Variants in IFT172 observed in about 807,000 individuals in gnomAD.
IFT172 encodes intraflagellar transport protein 172 homolog.
Under a neutral mutation model 248.9 loss-of-function variants are expected in IFT172, and 164 were observed. The observed-to-expected ratio is 0.66, with a 90% CI of 0.58 to 0.75. The LOEUF (loss-of-function observed/expected upper bound fraction) is 0.75, where lower values mean the gene tolerates loss of function less well. Among genes scored for constraint, IFT172 ranks in the 30% least tolerant of loss-of-function variants. The probability of loss-of-function intolerance (pLI) is 0.00; values close to 1 mark genes in which losing one functional copy is unlikely to be tolerated. For synonymous variants in IFT172, 729 were observed against 791.6 expected, an observed-to-expected ratio of 0.92 and a Z score of 1.33; for missense variants, 1,950 against 2,192.4, an observed-to-expected ratio of 0.89 and a Z score of 2.21.
At position 27,446,389 on chromosome 2, in the gene IFT172, A is replaced by T. The variant is rs376974765; in HGVS notation, c.4660-34T>A. Reference sequence around the variant, plus strand: ...AAAGTCAAAGCATTATGAATATGGCACTAAAGTGACTGAGCTACCAGACCA... The same window carrying T: ...AAAGTCAAAGCATTATGAATATGGCTCTAAAGTGACTGAGCTACCAGACCA... On this transcript the variant is annotated intron_variant, in intron 42 of 47. Transcript: ENST00000260570. The T allele has an allele frequency of 1.3e-5, 21 of 1,578,592 alleles. No individual in the cohort carries two copies. In the African/African-American group the frequency reaches 2.7e-4, roughly 20 times the overall value.
rs757772988 is a variant in IFT172, at chr2:27,444,528, G to A, written c.5161-7C>T. ...ACACTGGGCTGTGGGAGGTCTGTGAGCAAATGGAAGAACATGAGAGGAACT... is the reference window on the plus strand; with the variant it reads ...ACACTGGGCTGTGGGAGGTCTGTGAACAAATGGAAGAACATGAGAGGAACT... On this transcript the variant is annotated splice_region_variant and splice_polypyrimidine_tract_variant and intron_variant, in intron 47 of 47. Transcript: ENST00000260570. 6.2e-7 allele frequency: 1 copy of A among 1,610,432 alleles called. No homozygotes were observed. Among genetic ancestry groups the A allele is most frequent in the Non-Finnish European group, 8.5e-7 (1 of 1,177,270 alleles).
chr2:27,447,782 A>G, intron 41 of IFT172, 30 bp downstream of exon 41: 1 of 1,589,920 alleles, frequency 6.3e-7, no homozygotes, highest in Non-Finnish European at 8.6e-7. Flanking sequence ...GAGGACAAGG[A>G]CAGACGGAGC....
chr2:27,455,417 T>C (rs960796207), intron 30 of IFT172: 35 of 246,350 alleles, frequency 1.4e-4, no homozygotes, highest in Non-Finnish European at 2.6e-4. Context: ...TCTAGAAAAA[T>C]GGCAGAATAT....
intron 38 of IFT172, 36 bp from the exon 39 acceptor site, chr2:27,449,416 A>G: frequency 6.2e-7 from 1 of 1,614,074 alleles, no homozygotes; most frequent in Non-Finnish European, 8.5e-7. Flanking sequence ...AAGAGAAAAG[A>G]GATGACATGA....
intron 13 of IFT172, 88 bp from the exon 14 acceptor site, chr2:27,476,814 C>CT: frequency 1.3e-6 from 1 of 757,556 alleles, no homozygotes; most frequent in Non-Finnish European, 2.3e-6. Context: ...TGGGATGAAG[C>CT]TTTTATTTAT....
chr2:27,477,483 C>A, intron 12 of IFT172, 76 bp downstream of exon 12: 1 of 1,271,938 alleles, frequency 7.9e-7, no homozygotes, highest in South Asian at 1.2e-5. Context: ...CTATCCCTTG[C>A]AACTTGCCAT....
At position 27,477,645 on chromosome 2, in the gene IFT172, G is replaced by A. The variant is rs754306466; in HGVS notation, c.1168-33C>T. Reference sequence around the variant, plus strand: ...GGGAGAAGACTTAAGAAGCAATGTGGATAAATACCCAAGATAATGCCGAAA... The same window carrying A: ...GGGAGAAGACTTAAGAAGCAATGTGAATAAATACCCAAGATAATGCCGAAA... On this transcript the variant is annotated intron_variant, in intron 11 of 47. Coordinates refer to ENST00000260570, the MANE Select transcript of IFT172 (RefSeq NM_015662.3). The A allele has an allele frequency of 3.6e-6, 5 of 1,403,820 alleles. No individual in the cohort carries two copies. In the African/African-American group the frequency reaches 5.7e-5, roughly 16 times the overall value. The allele number at this position is 1,403,820 out of a possible 1,614,324, so 87.0% of individuals were successfully genotyped here. A position where few individuals can be genotyped will look rare whatever the true frequency, so the allele number is the denominator to read the frequency against.
At position 27,459,643 on chromosome 2, in the gene IFT172, T is replaced by C; in HGVS notation, c.2642+66A>G. 2.5e-6 allele frequency: 4 copies of C among 1,606,042 alleles called. No individual in the cohort carries two copies. In the East Asian group the frequency reaches 8.9e-5, roughly 36 times the overall value. The stretch of plus-strand genomic sequence containing the variant: ...AGATCTCTTCTTTAAGGCCTTGGTG[T>C]CCTTACTTGCTCCACTGCCCCTCAC... On this transcript the variant is annotated intron_variant, in intron 24 of 47. Coordinates refer to ENST00000260570, the MANE Select transcript of IFT172 (RefSeq NM_015662.3).
Position 27,454,206 on chromosome 2 carries a change from A to G in IFT172, c.3531-44T>C, listed in dbSNP as rs1368647214. On this transcript the variant is annotated intron_variant, in intron 32 of 47. Transcript: ENST00000260570. This position sits in a 1 kb window ranked among gnomAD's most constrained non-coding sequence, Gnocchi z 4.2. ...AGAGGAGAGACTGAGTATAGGACTGAGGCCCCAATAGTGGGAGACAAACAG... is the reference window on the plus strand; with the variant it reads ...AGAGGAGAGACTGAGTATAGGACTGGGGCCCCAATAGTGGGAGACAAACAG... 5 of 1,602,510 alleles carry G rather than the reference A, an allele frequency of 3.1e-6. No individual in the cohort carries two copies. In the African/African-American group the frequency reaches 6.7e-5, roughly 21 times the overall value.
intron 10 of IFT172, among the ~76,000 whole-genome samples, chr2:27,478,536 T>G (rs745719895): frequency 6.6e-6 from 1 of 152,220 alleles, no homozygotes; most frequent in Non-Finnish European, 1.5e-5. Flanking sequence ...CTTGAACTCC[T>G]GGGTTCAAGC....
At chr2:27,462,100 C>T (rs1307918483) in intron 20 of IFT172, among the ~76,000 whole-genome samples, 1 of 151,664 alleles carries the variant, frequency 6.6e-6, no homozygotes, top group Admixed American at 6.6e-5. Context: ...TGTGTGATCT[C>T]GGGCTCACTG....
chr2:27,478,644 T>C (rs1032934995), intron 10 of IFT172, among the ~76,000 whole-genome samples: 7 of 152,256 alleles, frequency 4.6e-5, no homozygotes, highest in African/African-American at 1.4e-4. Context: ...TCCTCTGTTA[T>C]AATGATCTCT....
At chr2:27,467,613 C>CAAAAAAAA (rs758559563) in intron 16 of IFT172, among the ~76,000 whole-genome samples, 1 of 53,134 alleles carries the variant, frequency 1.9e-5, no homozygotes, top group Non-Finnish European at 3.3e-5. Flanking sequence ...ACCCTGTCTC[C>CAAAAAAAA]AAAAAAAAAA....
intron 42 of IFT172, among the ~76,000 whole-genome samples, chr2:27,446,857 G>A (rs532535913): frequency 2.2e-3 from 331 of 151,398 alleles, no homozygotes; most frequent in Non-Finnish European, 3.4e-3. Context: ...CCGCCACCGT[G>A]CCTGGCTAAT....
chr2:27,468,378 G>A (rs116603069), intron 16 of IFT172, among the ~76,000 whole-genome samples: 2,304 of 151,630 alleles, frequency 0.015, 29 homozygotes, highest in South Asian at 0.044. Context: ...GATTACAGGA[G>A]CATGCCACCA....
In IFT172 at chr2:27,445,356, A is replaced by G. The variant is rs1241985045; in HGVS notation, c.5008T>C (p.Tyr1670His). Reference sequence around the variant, plus strand: ...CTCGCTGCCACTAGGGAGGCCTCGTAGGCGCCACGCTCATCCCGAGGCAGA... The same window carrying G: ...CTCGCTGCCACTAGGGAGGCCTCGTGGGCGCCACGCTCATCCCGAGGCAGA... ...QVLPRDERGA[Y>H]EASLVAASTG... The change falls in exon 46 of 48, where the codon TAC becomes CAC. Residue 1670 changes from tyrosine to histidine, a missense_variant. By Grantham distance (83) the Tyr-to-His change is moderately conservative. This residue lies in a region of IFT172 where 620 missense variants were observed against 699.0 expected (regional missense o/e 0.89). Coordinates refer to ENST00000260570, the MANE Select transcript of IFT172 (RefSeq NM_015662.3). The surrounding 1 kb of genome is among the most constrained non-coding windows in gnomAD (Gnocchi z 4.4). 6.2e-7 allele frequency: 1 copy of G among 1,613,270 alleles called. No individual in the cohort carries two copies. Among genetic ancestry groups the G allele is most frequent in the Non-Finnish European group, 8.5e-7 (1 of 1,179,780 alleles).
intron 18 of IFT172, 98 bp from the exon 19 acceptor site, chr2:27,463,279 T>A: frequency 9.0e-7 from 1 of 1,114,200 alleles, no homozygotes; most frequent in South Asian, 1.4e-5. Flanking sequence ...ATCTATGATG[T>A]GCCAGCCAAT....
In IFT172 at chr2:27,459,500, C is replaced by A. The variant is rs1011528696; in HGVS notation, c.2665G>T (p.Ala889Ser). 3 of 1,613,976 alleles carry A rather than the reference C, an allele frequency of 1.9e-6. No individual in the cohort carries two copies. Among genetic ancestry groups the A allele is most frequent in the Non-Finnish European group, 2.5e-6 (3 of 1,180,016 alleles). ...TTCCACTGGCGGGCACCCAGGGCGG[C>A]CTCAATTGCCTTAATGGAGCACCTG... ...EARCSIKAIE[A>S]ALGARQWKKA... The change falls in exon 25 of 48, where the codon GCC becomes TCC. Residue 889 changes from alanine (A) to serine (S), a missense_variant. By Grantham distance (99) the Ala-to-Ser change is moderately conservative. This residue lies in a region of IFT172 where 1,166 missense variants were observed against 1,254.1 expected (regional missense o/e 0.93). Transcript: ENST00000260570.
chr2:27,454,341 TG>T lies in IFT172; in HGVS notation c.3530+12del. 1 of 1,614,056 alleles carries T rather than the reference TG, an allele frequency of 6.2e-7. No individual in the cohort carries two copies. The highest frequency in any genetic ancestry group is 8.5e-7 in the Non-Finnish European group (1 of 1,179,950). On this transcript the variant is annotated intron_variant, in intron 32 of 47. Coordinates refer to ENST00000260570, the MANE Select transcript of IFT172 (RefSeq NM_015662.3). This position sits in a 1 kb window ranked among gnomAD's most constrained non-coding sequence, Gnocchi z 4.2. ...TGGGGAAACAGTATTAAGGAATGTA[TG>T]GGGTAACTCACATGAGGACTGCCTC...
Sources: gnomAD v4.1 joint callset for allele counts (sites outside exome capture counted in the v4.1 genomes callset) on GRCh38, gnomAD v4.1.1 for gene constraint, gnomAD v4.1.1 regional missense constraint, Gnocchi (gnomAD v3.1) non-coding constraint, MANE v1.5 for transcripts, NCBI Gene and HGNC (gene_info 2026-07-23, HGNC 2026-07-21) for gene names.